Variants in TOP6BL observed in about 807,000 individuals in gnomAD.
The protein encoded by TOP6BL is type 2 DNA topoisomerase 6 subunit B-like.
At chr11:66,754,460 T>G in the TOP6BL span, among the ~76,000 whole-genome samples, 1 of 152,254 alleles carries the variant, frequency 6.6e-6, no homozygotes, top group Admixed American at 6.5e-5. Flanking sequence ...ATTGCTTTTC[T>G]TAGTCTGGTG....
the TOP6BL span, among the ~76,000 whole-genome samples, chr11:66,777,929 C>T: frequency 3.9e-5 from 6 of 152,190 alleles, no homozygotes; most frequent in African/African-American, 1.2e-4. Context: ...CCAACTTCAC[C>T]GTACTTTGCC....
At chr11:66,782,720 G>C in the TOP6BL span, among the ~76,000 whole-genome samples, 6 of 152,062 alleles carry the variant, frequency 3.9e-5, no homozygotes, top group Non-Finnish European at 7.4e-5. Context: ...ATTTTATCCA[G>C]TTTTACAGTA....
At chr11:66,777,077 CTATATA>C in the TOP6BL span, among the ~76,000 whole-genome samples, 3 of 149,366 alleles carry the variant, frequency 2.0e-5, no homozygotes, top group African/African-American at 7.3e-5. Flanking sequence ...ATATCTATAT[CTATATA>C]TATCTATATA....
chr11:66,770,897 T>C, the TOP6BL span, among the ~76,000 whole-genome samples: 20 of 152,264 alleles, frequency 1.3e-4, no homozygotes, highest in Middle Eastern at 6.8e-3. Flanking sequence ...CAGGCTTGGG[T>C]AATCACCATT....
At chr11:66,784,408 C>T in the TOP6BL span, among the ~76,000 whole-genome samples, 3 of 152,140 alleles carry the variant, frequency 2.0e-5, no homozygotes, top group Admixed American at 6.5e-5. Context: ...GTGGTCCTCC[C>T]GCCTTGGCCT....
the TOP6BL span, chr11:66,800,934 T>C: frequency 7.8e-7 from 1 of 1,289,076 alleles, no homozygotes; most frequent in Admixed American, 2.0e-5. Context: ...ATTCTAGTAA[T>C]CGCTGGGGTG....
chr11:66,841,110 A>ATTTTTTTTTTTTTT, the TOP6BL span, among the ~76,000 whole-genome samples: 1 of 84,628 alleles, frequency 1.2e-5, no homozygotes, highest in Non-Finnish European at 2.2e-5. Context: ...GAGGCCTCTC[A>ATTTTTTTTTTTTTT]TTTTTTTTTT....
chr11:66,822,091 T>C, the TOP6BL span, among the ~76,000 whole-genome samples: 1 of 152,222 alleles, frequency 6.6e-6, no homozygotes, highest in African/African-American at 2.4e-5. Context: ...AGCTGCTGTT[T>C]CGCTGTGTCT....
chr11:66,820,349 T>C, the TOP6BL span, among the ~76,000 whole-genome samples: 1 of 152,224 alleles, frequency 6.6e-6, no homozygotes, highest in Non-Finnish European at 1.5e-5. Context: ...CAGCCAGTTT[T>C]AGGCTGCTTC....
chr11:66,791,276 C>T, the TOP6BL span, among the ~76,000 whole-genome samples: 1 of 152,116 alleles, frequency 6.6e-6, no homozygotes, highest in Admixed American at 6.6e-5. Context: ...GTGTTTATGC[C>T]CACAGCTAGT....
At chr11:66,787,551 CAAAA>C in the TOP6BL span, among the ~76,000 whole-genome samples, 1 of 92,110 alleles carries the variant, frequency 1.1e-5, no homozygotes, top group Admixed American at 1.3e-4. Flanking sequence ...ATTAAAAATA[CAAAA>C]AAAAAAAAAA....
the TOP6BL span, among the ~76,000 whole-genome samples, chr11:66,781,963 C>T: frequency 1.4e-4 from 21 of 152,064 alleles, no homozygotes; most frequent in Non-Finnish European, 2.4e-4. Context: ...TGTTATCTAT[C>T]TCTGGAGAGT....
At chr11:66,807,933 C>T in the TOP6BL span, among the ~76,000 whole-genome samples, 1 of 152,180 alleles carries the variant, frequency 6.6e-6, no homozygotes, top group Non-Finnish European at 1.5e-5. Flanking sequence ...GCTTTTTGGT[C>T]ATCTAGGCAG....
the TOP6BL span, among the ~76,000 whole-genome samples, chr11:66,825,991 G>A: frequency 2.8e-4 from 43 of 152,062 alleles, no homozygotes; most frequent in African/African-American, 9.2e-4. Flanking sequence ...ACAGGCGCCC[G>A]CCACCACGCC....
chr11:66,789,628 A>C, the TOP6BL span, among the ~76,000 whole-genome samples: 1 of 149,168 alleles, frequency 6.7e-6, no homozygotes, highest in African/African-American at 2.4e-5. Flanking sequence ...CCAGTGAACC[A>C]AGAAGGGCAA....
chr11:66,839,106 C>T, the TOP6BL span: 2 of 456,046 alleles, frequency 4.4e-6, no homozygotes, highest in Non-Finnish European at 8.8e-6. Flanking sequence ...ATACTGAAGT[C>T]TTTTCTCCAT....
the TOP6BL span, chr11:66,758,399 C>T: frequency 1.4e-5 from 2 of 145,410 alleles, no homozygotes; most frequent in Non-Finnish European, 3.0e-5. Flanking sequence ...GCAAGCTCCG[C>T]CTCCTGGGTT....
the TOP6BL span, among the ~76,000 whole-genome samples, chr11:66,810,068 A>G: frequency 1.3e-5 from 2 of 152,230 alleles, no homozygotes; most frequent in East Asian, 3.8e-4. Context: ...TGGAGATAAG[A>G]CACATTATGT....
chr11:66,843,303 A>G, the TOP6BL span: 5 of 1,563,290 alleles, frequency 3.2e-6, no homozygotes, highest in African/African-American at 5.5e-5. Context: ...GTGGTTTAAT[A>G]AAGCTGCCGC....
Sources: allele counts gnomAD v4.1 joint callset (sites outside exome capture counted in the v4.1 genomes callset), GRCh38; gene constraint gnomAD v4.1.1; transcripts MANE v1.5; gene names NCBI Gene and HGNC (gene_info 2026-07-23, HGNC 2026-07-21).